The following KLHL12 variants were observed in gnomAD, a reference collection of about 807,000 sequenced individuals.
KLHL12 encodes the protein kelch-like protein 12.
A neutral mutation model predicts 60.8 loss-of-function variants in KLHL12; 17 were observed. That is an observed-to-expected ratio of 0.28 (90% confidence interval 0.19 to 0.42). KLHL12 has a LOEUF of 0.42. Ranked by LOEUF, KLHL12 falls within the 10% of genes least tolerant of loss-of-function variation. The pLI is 1.00. For synonymous variants in KLHL12, 220 were observed against 250.9 expected (o/e 0.88, Z 1.16); for missense variants, 468 against 722.3 (o/e 0.65, Z 4.04).
chr1:202,922,230 C>A (rs536209105), intron 2 of KLHL12, among the ~76,000 whole-genome samples: 1 of 152,038 alleles, frequency 6.6e-6, no homozygotes, highest in Non-Finnish European at 1.5e-5. Flanking sequence ...CTGATTCTCA[C>A]AGCAACCTGG....
intron 6 of KLHL12, among the ~76,000 whole-genome samples, chr1:202,901,938 G>GT (rs560645082): frequency 5.5e-4 from 84 of 152,032 alleles, no homozygotes; most frequent in Non-Finnish European, 1.6e-4. Context: ...CCCCACTCAC[G>GT]TATTACCCCT....
In KLHL12 at chr1:202,922,394, C is replaced by T. The variant is rs187499505; in HGVS notation, c.196-2486G>A. ...CATCCTGGCTAACATGGTGAAACCC[C>T]GTCTCCACTAAAAATACAAAAAATT... On this transcript the variant is annotated intron_variant, in intron 2 of 11. Transcript: ENST00000367261. Among the ~76,000 whole-genome samples the T allele has an allele frequency of 1.9e-4, 29 of 149,660 alleles. No homozygotes were observed. In the East Asian group the frequency reaches 4.2e-3, roughly 22 times the overall value.
intron 3 of KLHL12, 91 bp downstream of exon 3, chr1:202,919,664 C>G: frequency 1.6e-6 from 2 of 1,261,306 alleles, no homozygotes; most frequent in Non-Finnish European, 2.2e-6. Context: ...TAGTTTGTCT[C>G]CAAAATGTTC....
chr1:202,905,183 C>T (rs1177311664), intron 6 of KLHL12, among the ~76,000 whole-genome samples: 1 of 152,158 alleles, frequency 6.6e-6, no homozygotes, highest in Non-Finnish European at 1.5e-5. Context: ...AGTTTAATCC[C>T]TTAAGGTCAG....
chr1:202,909,446 A>C lies in KLHL12; in HGVS notation c.718-322T>G, dbSNP rs556334182. Among the ~76,000 whole-genome samples the C allele has an allele frequency of 6.6e-6, 1 of 152,240 alleles. No individual in the cohort carries two copies. Among genetic ancestry groups the C allele is most frequent in the African/African-American group, 2.4e-5 (1 of 41,540 alleles). On this transcript the variant is annotated intron_variant, in intron 5 of 11. Coordinates refer to ENST00000367261, the MANE Select transcript of KLHL12 (RefSeq NM_021633.4). The surrounding 1 kb of genome is among the most constrained non-coding windows in gnomAD (Gnocchi z 4.1). ...TTGGATGCCCTTCCAGGGATTATGCAAACACAAGTACATAATAACTAATAA... is the reference window on the plus strand; with the variant it reads ...TTGGATGCCCTTCCAGGGATTATGCCAACACAAGTACATAATAACTAATAA...
intron 6 of KLHL12, among the ~76,000 whole-genome samples, chr1:202,899,303 C>T (rs1056045143): frequency 1.3e-5 from 2 of 152,176 alleles, no homozygotes; most frequent in African/African-American, 4.8e-5. Flanking sequence ...TAAGGCAAAA[C>T]TCCATCTCAA....
intron 4 of KLHL12, among the ~76,000 whole-genome samples, chr1:202,915,442 A>C (rs1006863349): frequency 4.9e-4 from 74 of 152,198 alleles, no homozygotes; most frequent in African/African-American, 1.7e-3. Context: ...TCTTTCCAGA[A>C]AAAAAGCAAA....
At chr1:202,922,203 A>T (rs1342078365) in intron 2 of KLHL12, among the ~76,000 whole-genome samples, 1 of 152,074 alleles carries the variant, frequency 6.6e-6, no homozygotes, top group Admixed American at 6.6e-5. Flanking sequence ...CATGCTTCTC[A>T]TTTACTACTA....
chr1:202,912,742 A>T, intron 4 of KLHL12: 3 of 1,391,280 alleles, frequency 2.2e-6, no homozygotes, highest in Non-Finnish European at 3.0e-6. Flanking sequence ...TTAGGAAACA[A>T]AGCTTAGCTG....
Position 202,898,132 on chromosome 1 carries a change from G to A in KLHL12, c.833-1172C>T, listed in dbSNP as rs549680298. ...TTGCCCAGGCTGGTCTCAAACTCCCGGCCTCAAGCGATACTCCTGCCTTAG... is the reference window on the plus strand; with the variant it reads ...TTGCCCAGGCTGGTCTCAAACTCCCAGCCTCAAGCGATACTCCTGCCTTAG... On this transcript the variant is annotated intron_variant, in intron 6 of 11. Coordinates refer to ENST00000367261, the MANE Select transcript of KLHL12 (RefSeq NM_021633.4). Among the ~76,000 whole-genome samples, 39 of 151,700 alleles carry A rather than the reference G, an allele frequency of 2.6e-4. No homozygotes were observed. The South Asian group carries it at 7.5e-3, about 29-fold the overall frequency.
chr1:202,918,707 A>T (rs902723399), intron 3 of KLHL12, among the ~76,000 whole-genome samples: 1 of 152,218 alleles, frequency 6.6e-6, no homozygotes, highest in African/African-American at 2.4e-5. Context: ...CTATAAAACC[A>T]ATTGCGAATT....
Position 202,895,716 on chromosome 1 carries a change from C to A in KLHL12, c.941G>T (p.Ser314Ile), listed in dbSNP as rs1252229098. Residue 314 changes from serine (S) to isoleucine (I), a missense_variant and splice_region_variant, in exon 8 of 12, where the codon AGC becomes ATC. By Grantham distance (142) the Ser-to-Ile change is moderately radical (BLOSUM62 -2). Coordinates refer to ENST00000367261, the MANE Select transcript of KLHL12 (RefSeq NM_021633.4). The surrounding 1 kb of genome is among the most constrained non-coding windows in gnomAD (Gnocchi z 4.2). ...PKTQEWSFLP[S>I]ITRKRRYVAS... ...CACATAACGTCTCTTACGAGTGATG[C>A]TCTATGGATTTGGAGAGAAGAGGTA... 1.2e-6 allele frequency: 2 copies of A among 1,613,144 alleles called. No individual in the cohort carries two copies. Among genetic ancestry groups the A allele is most frequent in the Non-Finnish European group, 8.5e-7 (1 of 1,179,348 alleles).
chr1:202,912,084 T>A (rs12723144), intron 4 of KLHL12: 1 of 806,016 alleles, frequency 1.2e-6, no homozygotes, highest in Non-Finnish European at 2.2e-6. Flanking sequence ...AGAGAGCTGT[T>A]TCAAGGGAAG....
In KLHL12 at chr1:202,893,217, G is replaced by C; in HGVS notation, c.1580+22C>G. On this transcript the variant is annotated intron_variant, in intron 11 of 11. Coordinates refer to ENST00000367261, the MANE Select transcript of KLHL12 (RefSeq NM_021633.4). This position sits in a 1 kb window ranked among gnomAD's most constrained non-coding sequence, Gnocchi z 4.1. The stretch of plus-strand genomic sequence containing the variant: ...CTTGCTCTGGCTACATATTGAGTCT[G>C]GATTCGTTTCTAAATCCTCACCCTG... The C allele has an allele frequency of 6.4e-7, 1 of 1,565,876 alleles. No homozygotes were observed. The highest frequency in any genetic ancestry group is 1.2e-5 in the South Asian group (1 of 84,086).
intron 6 of KLHL12, among the ~76,000 whole-genome samples, chr1:202,898,767 T>C (rs879893523): frequency 6.6e-6 from 1 of 152,028 alleles, no homozygotes; most frequent in Admixed American, 6.6e-5. Context: ...AAAACGAGAC[T>C]GAAAAGAGAC....
At chr1:202,912,284 C>G in intron 4 of KLHL12, 3 of 898,414 alleles carry the variant, frequency 3.3e-6, no homozygotes, top group Non-Finnish European at 5.5e-6. Context: ...ATGACCATGA[C>G]TCTGTGAATA....
At position 202,927,169 on chromosome 1, in the gene KLHL12, G is replaced by C; in HGVS notation, c.-126C>G. On this transcript the variant is annotated 5_prime_UTR_variant, in exon 1 of 12. Transcript: ENST00000367261. ...GAGTGCGGCGCGGGGCTAGCAGGCGGCTCGGGAGGAGCCGAAGCGCCGCCC... is the reference window on the plus strand; with the variant it reads ...GAGTGCGGCGCGGGGCTAGCAGGCGCCTCGGGAGGAGCCGAAGCGCCGCCC... 1.0e-6 allele frequency: 1 copy of C among 985,298 alleles called. No homozygotes were observed. Among genetic ancestry groups the C allele is most frequent in the South Asian group, 4.7e-5 (1 of 21,286 alleles). 61.0% of individuals were successfully genotyped at this position (985,298 alleles called of 1,614,324 possible). A position where few individuals can be genotyped will look rare whatever the true frequency, so the allele number is the denominator to read the frequency against.
rs1208063859 is a variant in KLHL12 at position 202,891,885 on chromosome 1, TCACA to T, written c.*644_*647del. 1 of 152,218 alleles carries T rather than the reference TCACA, an allele frequency of 6.6e-6. No individual in the cohort carries two copies. Among genetic ancestry groups the T allele is most frequent in the East Asian group, 1.9e-4 (1 of 5,196 alleles). The allele number at this position is 152,218 out of a possible 1,614,324, so 9.4% of individuals were successfully genotyped here. A position where few individuals can be genotyped will look rare whatever the true frequency, so the allele number is the denominator to read the frequency against. ...TACTTCAGTGCTGTTCTAGGTTCAC[TCACA>T]ATCAAATTCAGTTTAATTCACTTAA... On this transcript the variant is annotated 3_prime_UTR_variant, in exon 12 of 12. Coordinates refer to ENST00000367261, the MANE Select transcript of KLHL12 (RefSeq NM_021633.4).
At position 202,909,060 on chromosome 1, in the gene KLHL12, C is replaced by T. The variant is rs764932289; in HGVS notation, c.782G>A (p.Arg261Lys). The change falls in exon 6 of 12, where the codon AGG becomes AAG. Residue 261 changes from arginine (R) to lysine (K), a missense_variant. By Grantham distance (26) the Arg-to-Lys change is conservative. Around this residue, in one of 4 missense-constraint regions of KLHL12, gnomAD observed 339 missense variants for 525.0 expected, o/e 0.65. Transcript: ENST00000367261. The surrounding 1 kb of genome is among the most constrained non-coding windows in gnomAD (Gnocchi z 4.1). Reference sequence around the variant, plus strand: ...CTGCATCTGACTCCGAAGTTCAGGCCTCAGATGAAACTTCTTTGCTTCATC... The same window carrying T: ...CTGCATCTGACTCCGAAGTTCAGGCTTCAGATGAAACTTCTTTGCTTCATC... ...LVDEAKKFHL[R>K]PELRSQMQGP... is the part of the protein sequence containing the mutation. 6.2e-7 allele frequency: 1 copy of T among 1,614,072 alleles called. No homozygotes were observed. Among genetic ancestry groups the T allele is most frequent in the Non-Finnish European group, 8.5e-7 (1 of 1,179,974 alleles).
Sources: allele counts gnomAD v4.1 joint callset (sites outside exome capture counted in the v4.1 genomes callset), GRCh38; gene constraint gnomAD v4.1.1; regional missense constraint gnomAD v4.1.1; non-coding constraint Gnocchi (gnomAD v3.1); transcripts MANE v1.5; gene names NCBI Gene and HGNC (gene_info 2026-07-23, HGNC 2026-07-21).